Variants in FBLN7 observed in about 807,000 individuals in gnomAD.
FBLN7 encodes the protein fibulin 7.
FBLN7 carries 31 observed loss-of-function variants against 44.0 expected under a neutral mutation model. The ratio of observed to expected loss-of-function variants is 0.70; its 90% confidence interval spans 0.53 to 0.95. The LOEUF is 0.95. Among genes scored for constraint, FBLN7 ranks in the 40% least tolerant of loss-of-function variants. FBLN7 has a pLI of 0.00. For synonymous variants in FBLN7, 262 were observed against 253.4 expected (o/e 1.03, Z -0.32); for missense variants, 573 against 618.5 (o/e 0.93, Z 0.78).
At chr2:112,197,916 T>C in the FBLN7 span, among the ~76,000 whole-genome samples, 2 of 152,194 alleles carry the variant, frequency 1.3e-5, no homozygotes, top group Non-Finnish European at 2.9e-5. Context: ...AGTAATGACA[T>C]GATTCTACTC....
intron 1 of FBLN7, among the ~76,000 whole-genome samples, chr2:112,147,141 G>T (rs954339603): frequency 6.6e-6 from 1 of 152,004 alleles, no homozygotes. Context: ...TTCCTGAAAT[G>T]TCTGGTAGAA....
the FBLN7 span, among the ~76,000 whole-genome samples, chr2:112,236,250 T>A: frequency 6.6e-6 from 1 of 152,008 alleles, no homozygotes; most frequent in African/African-American, 2.4e-5. Context: ...CGAGACTCTG[T>A]CTCAAAAAAA....
intron 3 of FBLN7, among the ~76,000 whole-genome samples, chr2:112,171,627 G>A (rs192957651): frequency 2.0e-5 from 3 of 152,230 alleles, no homozygotes; most frequent in Admixed American, 1.3e-4. Flanking sequence ...AAAAAAAGAT[G>A]AATTTCCTTC....
At chr2:112,213,685 A>G in the FBLN7 span, 1 of 140,890 alleles carries the variant, frequency 7.1e-6, no homozygotes, top group Non-Finnish European at 1.5e-5. Context: ...CTGAGGCAGG[A>G]GAATCACTTG....
chr2:112,175,571 G>A, intron 3 of FBLN7, 143 bp from the exon 4 acceptor site: 4 of 1,037,562 alleles, frequency 3.9e-6, no homozygotes, highest in Non-Finnish European at 5.6e-6. Context: ...GGGTGGAGAG[G>A]GTGGAAAGAG....
Position 112,187,869 on chromosome 2 carries a change from T to C in FBLN7, c.*363T>C, listed in dbSNP as rs1416290888. ...AAGGTGGCAATGTGTGTCAGGTGAC[T>C]ATCAGCCCTTCTGCCTTTTTGTAGC... On this transcript the variant is annotated 3_prime_UTR_variant, in exon 8 of 8. Transcript: ENST00000331203. The surrounding 1 kb of genome is among the most constrained non-coding windows in gnomAD (Gnocchi z 5.1). 2 of 384,178 alleles carry C rather than the reference T, an allele frequency of 5.2e-6. No homozygotes were observed. The highest frequency in any genetic ancestry group is 9.3e-6 in the Non-Finnish European group (2 of 215,182). The allele number at this position is 384,178 out of a possible 1,614,324, so 23.8% of individuals were successfully genotyped here. A position where few individuals can be genotyped will look rare whatever the true frequency, so the allele number is the denominator to read the frequency against.
downstream of FBLN7, chr2:112,189,305 C>T (rs1479305521): frequency 6.6e-6 from 1 of 152,244 alleles, no homozygotes; most frequent in Non-Finnish European, 1.5e-5. Context: ...CTGCTTCCCA[C>T]TGATGAAATC....
the FBLN7 span, among the ~76,000 whole-genome samples, chr2:112,239,876 T>A: frequency 6.6e-6 from 1 of 152,152 alleles, no homozygotes; most frequent in Admixed American, 6.5e-5. Flanking sequence ...TGAGCCACCA[T>A]GCCCGGCAAC....
At chr2:112,168,582 C>T (rs1682288381) in intron 3 of FBLN7, among the ~76,000 whole-genome samples, 1 of 152,214 alleles carries the variant, frequency 6.6e-6, no homozygotes, top group African/African-American at 2.4e-5. Context: ...AAAGCGGTGT[C>T]AGCCAAACTT....
chr2:112,172,010 G>A (rs2104585865), intron 3 of FBLN7, among the ~76,000 whole-genome samples: 1 of 152,306 alleles, frequency 6.6e-6, no homozygotes, highest in East Asian at 1.9e-4. Flanking sequence ...GCCTCCCAAA[G>A]TGCTAGGATT....
At chr2:112,160,756 A>T (rs1481090856) in intron 2 of FBLN7, among the ~76,000 whole-genome samples, 1 of 85,574 alleles carries the variant, frequency 1.2e-5, no homozygotes. Context: ...GCGCACGCAC[A>T]CACGCACGCA....
chr2:112,195,373 C>T, the FBLN7 span, among the ~76,000 whole-genome samples: 1 of 152,164 alleles, frequency 6.6e-6, no homozygotes, highest in East Asian at 1.9e-4. Context: ...TACGCAATAG[C>T]TTGCCTTCCT....
At position 112,159,738 on chromosome 2, in the gene FBLN7, C is replaced by T. The variant is rs141217399; in HGVS notation, c.138C>T (p.Gly46=). ...GCCAGCTGCAGCAGCTGCTGAAGGG[C>T]CAGGAGACACGCTTCGCCGAGGGCA... The part of the protein sequence containing the change: ...AIRQLQQLLK[G]QETRFAEGIR... The change falls in exon 2 of 8, where the codon GGC becomes GGT. Residue 46 remains glycine, a synonymous_variant. Transcript: ENST00000331203. The T allele has an allele frequency of 1.3e-4, 207 of 1,602,200 alleles. No homozygotes were observed. In the African/African-American group the frequency reaches 2.5e-3, roughly 20 times the overall value.
chr2:112,238,405 G>GTA, the FBLN7 span: 1 of 1,613,636 alleles, frequency 6.2e-7, no homozygotes, highest in African/African-American at 1.3e-5. Flanking sequence ...TACTGTTGAA[G>GTA]CTCTTTGGCA....
At chr2:112,150,788 C>G (rs1351861132) in intron 1 of FBLN7, among the ~76,000 whole-genome samples, 2 of 152,106 alleles carry the variant, frequency 1.3e-5, no homozygotes, top group Non-Finnish European at 2.9e-5. Context: ...ATTCAAAGAC[C>G]AGGTCCATAA....
chr2:112,203,451 TAAAC>T, the FBLN7 span, among the ~76,000 whole-genome samples: 2 of 152,238 alleles, frequency 1.3e-5, no homozygotes, highest in South Asian at 4.1e-4. Flanking sequence ...GGAAAAACAC[TAAAC>T]AAACAGCAAT....
At chr2:112,194,399 A>G in the FBLN7 span, among the ~76,000 whole-genome samples, 1 of 152,132 alleles carries the variant, frequency 6.6e-6, no homozygotes, top group Non-Finnish European at 1.5e-5. Context: ...ACTTCCTCAT[A>G]TCTCTCCTTG....
At chr2:112,159,646 G>T in intron 1 of FBLN7, 30 bp from the exon 2 acceptor site, 1 of 1,484,136 alleles carries the variant, frequency 6.7e-7, no homozygotes, top group Non-Finnish European at 9.0e-7. Flanking sequence ...AGTCTCAATG[G>T]GTGGTGGCGG....
At chr2:112,222,658 TATATGAGATAAAAAA>T in the FBLN7 span, among the ~76,000 whole-genome samples, 1 of 152,156 alleles carries the variant, frequency 6.6e-6, no homozygotes, top group African/African-American at 2.4e-5. Flanking sequence ...TGATTTCACT[TATATGAGATAAAAAA>T]AGGACATACT....
Sources: allele counts gnomAD v4.1 joint callset (sites outside exome capture counted in the v4.1 genomes callset), GRCh38; gene constraint gnomAD v4.1.1; non-coding constraint Gnocchi (gnomAD v3.1); transcripts MANE v1.5; gene names NCBI Gene and HGNC (gene_info 2026-07-23, HGNC 2026-07-21).